The following CLIC6 variants were observed in gnomAD, a reference collection of about 807,000 sequenced individuals.
CLIC6 encodes chloride intracellular channel protein 6.
In CLIC6, 39 loss-of-function variants were observed where a neutral mutation model predicts 49.2. The ratio of observed to expected loss-of-function variants is 0.79; its 90% CI spans 0.61 to 1.04. The LOEUF is 1.04. CLIC6 is among the 50% of genes least tolerant of loss of function. The pLI is 0.00. For synonymous variants in CLIC6, 446 were observed against 433.4 expected, an observed-to-expected ratio of 1.03 and a Z score of -0.36; for missense variants, 988 against 993.1, an observed-to-expected ratio of 0.99 and a Z score of 0.07.
chr21:34,705,471 G>A (rs1415900683), intron 1 of CLIC6, among the ~76,000 whole-genome samples: 2 of 152,146 alleles, frequency 1.3e-5, no homozygotes, highest in Non-Finnish European at 2.9e-5. Flanking sequence ...GTGACCACTT[G>A]GATGTATGTG....
At chr21:34,701,448 G>C (rs1251156210) in intron 1 of CLIC6, among the ~76,000 whole-genome samples, 6 of 152,150 alleles carry the variant, frequency 3.9e-5, no homozygotes, top group African/African-American at 1.4e-4. Flanking sequence ...AGGTTTGGAA[G>C]AGTAATGATG....
chr21:34,694,152 T>G (rs1990050492), intron 1 of CLIC6, among the ~76,000 whole-genome samples: 1 of 144,940 alleles, frequency 6.9e-6, no homozygotes. Context: ...TTTTTTTTTT[T>G]GTATTTTTAG....
Position 34,716,946 on chromosome 21 carries a change from G to A in CLIC6, c.*464G>A, listed in dbSNP as rs1257688259. 6.6e-6 allele frequency: 1 copy of A among 152,390 alleles called. No homozygotes were observed. Among genetic ancestry groups the A allele is most frequent in the East Asian group, 1.9e-4 (1 of 5,188 alleles). The allele number at this position is 152,390 out of a possible 1,614,324, so 9.4% of individuals were successfully genotyped here. On this transcript the variant is annotated 3_prime_UTR_variant, in exon 6 of 6. Transcript: ENST00000349499. ...TGCATTATTTTATTTTAAAGCACTG[G>A]TGAGGGGACCTCTTGGTGATTCCTG...
At chr21:34,714,344 A>C (rs537129910) in intron 5 of CLIC6, among the ~76,000 whole-genome samples, 1 of 152,248 alleles carries the variant, frequency 6.6e-6, no homozygotes, top group African/African-American at 2.4e-5. Flanking sequence ...GCACAGATAC[A>C]TAAATTCCCT....
chr21:34,711,649 T>A (rs1429019254), intron 5 of CLIC6, among the ~76,000 whole-genome samples: 5 of 152,148 alleles, frequency 3.3e-5, no homozygotes, highest in African/African-American at 1.2e-4. Context: ...TCTGCTTCAT[T>A]CTTTTGCCTT....
chr21:34,707,058 A>T (rs2056019218), intron 1 of CLIC6, among the ~76,000 whole-genome samples: 1 of 152,160 alleles, frequency 6.6e-6, no homozygotes, highest in South Asian at 2.1e-4. Context: ...TGCTCAGTGC[A>T]GTGCATACAT....
intron 1 of CLIC6, among the ~76,000 whole-genome samples, chr21:34,678,080 A>T (rs8128645): frequency 0.016 from 2,373 of 152,226 alleles, 69 homozygotes; most frequent in African/African-American, 0.054. Flanking sequence ...AGTTGAGTAG[A>T]TGCAACAGAG....
chr21:34,687,782 T>G (rs1989908849), intron 1 of CLIC6, among the ~76,000 whole-genome samples: 1 of 152,228 alleles, frequency 6.6e-6, no homozygotes. Context: ...TGTTTACACC[T>G]ATGTTTGAAA....
intron 1 of CLIC6, among the ~76,000 whole-genome samples, chr21:34,691,909 C>G (rs1990002391): frequency 6.6e-6 from 1 of 152,170 alleles, no homozygotes; most frequent in Admixed American, 6.5e-5. Context: ...TCCATGAGAT[C>G]TATTGAGAAC....
In CLIC6 at chr21:34,703,255, T is replaced by C. The variant is rs568960621; in HGVS notation, c.1375-4025T>C. Among the ~76,000 whole-genome samples, 11 of 152,318 alleles carry C rather than the reference T, an allele frequency of 7.2e-5. No homozygotes were observed. The South Asian group carries it at 2.3e-3, about 32-fold the overall frequency. On this transcript the variant is annotated intron_variant, in intron 1 of 5. Coordinates refer to ENST00000349499, the MANE Select transcript of CLIC6 (RefSeq NM_053277.3). Reference sequence around the variant, plus strand: ...ACCACCTCCAAATTGTTTTTCATTATATTTGGGCAGAGTAGAGAAAAGTGC... The same window carrying C: ...ACCACCTCCAAATTGTTTTTCATTACATTTGGGCAGAGTAGAGAAAAGTGC...
chr21:34,678,778 A>AT (rs1568958261), intron 1 of CLIC6, among the ~76,000 whole-genome samples: 1 of 152,116 alleles, frequency 6.6e-6, no homozygotes, highest in Non-Finnish European at 1.5e-5. Context: ...TTTACTTACC[A>AT]TTTTTTTGGA....
At chr21:34,700,348 G>A (rs1170708969) in intron 1 of CLIC6, among the ~76,000 whole-genome samples, 1 of 137,116 alleles carries the variant, frequency 7.3e-6, no homozygotes, top group Non-Finnish European at 1.6e-5. Flanking sequence ...TCCGGAGGCT[G>A]AGGCAGGAGA....
Position 34,688,262 on chromosome 21 carries a change from G to A in CLIC6, c.1374+17500G>A, listed in dbSNP as rs1215940212. Among the ~76,000 whole-genome samples, 6 of 152,126 alleles carry A rather than the reference G, an allele frequency of 3.9e-5. No homozygotes were observed. The East Asian group carries it at 5.8e-4, about 15-fold the overall frequency. On this transcript the variant is annotated intron_variant, in intron 1 of 5. Transcript: ENST00000349499. The stretch of plus-strand genomic sequence containing the variant: ...CCCCTCAATTCTCATCAGTGTGGCC[G>A]CCCCCCACCATTGGTTTGACTCTTA...
intron 1 of CLIC6, among the ~76,000 whole-genome samples, chr21:34,707,073 A>G (rs764916529): frequency 1.3e-5 from 2 of 152,140 alleles, no homozygotes; most frequent in Non-Finnish European, 2.9e-5. Context: ...ATACATGTGC[A>G]TGTGCGTGCG....
intron 1 of CLIC6, among the ~76,000 whole-genome samples, chr21:34,683,852 G>C (rs1989825815): frequency 6.6e-6 from 1 of 152,164 alleles, no homozygotes; most frequent in African/African-American, 2.4e-5. Context: ...CCCAGTCTCT[G>C]GTAGTTTTTA....
intron 1 of CLIC6, among the ~76,000 whole-genome samples, chr21:34,686,827 G>A (rs111270301): frequency 0.025 from 3,752 of 152,238 alleles, 156 homozygotes; most frequent in African/African-American, 0.086. Flanking sequence ...GTGTGAAGCT[G>A]TCTTGGCCCC....
Position 34,717,645 on chromosome 21 carries a change from T to A in CLIC6, c.*1163T>A, listed in dbSNP as rs1292993222. The A allele has an allele frequency of 6.6e-6, 1 of 152,096 alleles. No homozygotes were observed. The highest frequency in any genetic ancestry group is 1.5e-5 in the Non-Finnish European group (1 of 68,042). 9.4% of individuals were successfully genotyped at this position (152,096 alleles called of 1,614,324 possible). A position where few individuals can be genotyped will look rare whatever the true frequency, so the allele number is the denominator to read the frequency against. Reference sequence around the variant, plus strand: ...TGAGTGCTGGCCTTAACCCTAGGCGTGGAAGAGAAAATGTGAGGTTGTTTA... The same window carrying A: ...TGAGTGCTGGCCTTAACCCTAGGCGAGGAAGAGAAAATGTGAGGTTGTTTA... On this transcript the variant is annotated 3_prime_UTR_variant, in exon 6 of 6. Coordinates refer to ENST00000349499, the MANE Select transcript of CLIC6 (RefSeq NM_053277.3).
At chr21:34,679,130 T>C (rs762457135) in intron 1 of CLIC6, among the ~76,000 whole-genome samples, 1 of 152,224 alleles carries the variant, frequency 6.6e-6, no homozygotes, top group Non-Finnish European at 1.5e-5. Context: ...CAAGACTGGA[T>C]AATTTATAAA....
At chr21:34,691,131 G>A (rs1157547654) in intron 1 of CLIC6, among the ~76,000 whole-genome samples, 3 of 152,196 alleles carry the variant, frequency 2.0e-5, no homozygotes, top group Non-Finnish European at 4.4e-5. Flanking sequence ...AACTTCTACA[G>A]GGAGGTATTG....
Sources: gnomAD v4.1 joint callset for allele counts (sites outside exome capture counted in the v4.1 genomes callset) on GRCh38, gnomAD v4.1.1 for gene constraint, MANE v1.5 for transcripts, NCBI Gene and HGNC (gene_info 2026-07-23, HGNC 2026-07-21) for gene names.